MAML2: variants seen among roughly 807,000 people sequenced by gnomAD.
MAML2 encodes the protein mastermind-like protein 2.
In MAML2, 22 loss-of-function variants were observed where a neutral mutation model predicts 96.1. That is an observed-to-expected ratio of 0.23 (90% confidence interval 0.16 to 0.33). The LOEUF is 0.33. MAML2 is among the 10% of genes least tolerant of loss of function. The probability of loss-of-function intolerance (pLI) is 1.00; values close to 1 mark genes in which losing one functional copy is unlikely to be tolerated. For synonymous variants in MAML2, 561 were observed against 521.3 expected (o/e 1.08, Z -1.04); for missense variants, 1,367 against 1,392.4 (o/e 0.98, Z 0.29).
intron 1 of MAML2, among the ~76,000 whole-genome samples, chr11:96,205,369 A>G (rs1861881316): frequency 6.6e-6 from 1 of 152,242 alleles, no homozygotes; most frequent in South Asian, 2.1e-4. Context: ...ATACTTGTTT[A>G]ATCATCCAAC....
At chr11:96,082,546 C>T (rs1035991405) in intron 2 of MAML2, among the ~76,000 whole-genome samples, 3 of 152,066 alleles carry the variant, frequency 2.0e-5, no homozygotes, top group Non-Finnish European at 2.9e-5. Context: ...GGGCAAAAGG[C>T]ATTCATAGGG....
chr11:96,060,800 T>C (rs192809562), intron 2 of MAML2, among the ~76,000 whole-genome samples: 5 of 152,366 alleles, frequency 3.3e-5, no homozygotes, highest in East Asian at 1.9e-4. Context: ...GATGGTAGTC[T>C]TGTGGCTGAG....
intron 2 of MAML2, among the ~76,000 whole-genome samples, chr11:96,025,874 A>C (rs1858509820): frequency 1.3e-5 from 2 of 152,146 alleles, no homozygotes. Flanking sequence ...AGTATAAATT[A>C]TTTTTTAAAA....
At chr11:95,996,252 TAGAC>T (rs1389905629) in intron 2 of MAML2, among the ~76,000 whole-genome samples, 1 of 152,152 alleles carries the variant, frequency 6.6e-6, no homozygotes, top group Non-Finnish European at 1.5e-5. Context: ...AGAAAAGAGG[TAGAC>T]AGAGTGCTCA....
rs549479112 is a variant in MAML2 at position 96,205,266 on chromosome 11, A to G, written c.514-111749T>C. On this transcript the variant is annotated intron_variant, in intron 1 of 4. Transcript: ENST00000524717. ...ACTTGAATGCAGCAAACTTACCAAT[A>G]TATTCATTTACTCATTTCTACAAGA... 1.1e-4 allele frequency among the ~76,000 whole-genome samples: 16 copies of G among 152,352 alleles called. No individual in the cohort carries two copies. The South Asian group carries it at 2.1e-3, about 20-fold the overall frequency.
At chr11:96,058,149 C>T (rs539929222) in intron 2 of MAML2, among the ~76,000 whole-genome samples, 1 of 152,310 alleles carries the variant, frequency 6.6e-6, no homozygotes, top group African/African-American at 2.4e-5. Flanking sequence ...TTTCTTCTGA[C>T]TACTTCCAAA....
At chr11:96,330,622 A>T (rs770534630) in intron 1 of MAML2, among the ~76,000 whole-genome samples, 1 of 152,222 alleles carries the variant, frequency 6.6e-6, no homozygotes, top group Non-Finnish European at 1.5e-5. Flanking sequence ...ACCTGGGCTC[A>T]CTTGTGTGGC....
intron 1 of MAML2, among the ~76,000 whole-genome samples, chr11:96,295,595 A>G (rs1863283702): frequency 1.3e-5 from 2 of 152,164 alleles, no homozygotes; most frequent in African/African-American, 4.8e-5. Flanking sequence ...AGTAATTTAA[A>G]TATGTAGCCA....
intron 1 of MAML2, among the ~76,000 whole-genome samples, chr11:96,242,316 T>A (rs1862447859): frequency 6.6e-6 from 1 of 152,224 alleles, no homozygotes; most frequent in South Asian, 2.1e-4. Flanking sequence ...GGAAAAAACT[T>A]CATAAAAATC....
rs551756025 is a variant in MAML2 at position 96,333,206 on chromosome 11, G to A, written c.513+8177C>T. On this transcript the variant is annotated intron_variant, in intron 1 of 4. Transcript: ENST00000524717. ...AAAGCAAAAATGTTAATGATTCCAT[G>A]TTAATGTATGAATCTGCCAGAATGA... is the stretch of plus-strand genomic sequence containing the variant. Among the ~76,000 whole-genome samples, 29 of 152,278 alleles carry A rather than the reference G, an allele frequency of 1.9e-4. 1 individual carries two copies. The South Asian group carries it at 6.0e-3, about 32-fold the overall frequency.
In MAML2 at chr11:96,092,501, C is replaced by T. The variant is rs768745131; in HGVS notation, c.1530G>A (p.Met510Ile). The change falls in exon 2 of 5, where the codon ATG (methionine) becomes ATA (isoleucine). Residue 510 changes from methionine (M) to isoleucine (I), a missense_variant. Transcript: ENST00000524717. This position sits in a 1 kb window ranked among gnomAD's most constrained non-coding sequence, Gnocchi z 4.1. ...VAGGSGQSKV[M>I]ANYMYKAGPS... The stretch of plus-strand genomic sequence containing the variant: ...GGCCGGCCTTGTACATGTAGTTAGC[C>T]ATTACTTTCGACTGGCCGCTGCCGC... 1 of 1,600,006 alleles carries T rather than the reference C, an allele frequency of 6.2e-7. No individual in the cohort carries two copies. The highest frequency in any genetic ancestry group is 2.2e-5 in the East Asian group (1 of 44,660).
chr11:96,213,768 A>ACAGATG (rs954390036), intron 1 of MAML2, among the ~76,000 whole-genome samples: 2 of 152,244 alleles, frequency 1.3e-5, no homozygotes, highest in African/African-American at 4.8e-5. Flanking sequence ...AGAGCTCTTT[A>ACAGATG]CAGATGCATT....
chr11:96,137,698 C>T (rs1860658126), intron 1 of MAML2, among the ~76,000 whole-genome samples: 1 of 152,066 alleles, frequency 6.6e-6, no homozygotes, highest in Non-Finnish European at 1.5e-5. Context: ...AGACGGTGGG[C>T]AGGGGAGACA....
intron 1 of MAML2, among the ~76,000 whole-genome samples, chr11:96,210,488 T>C (rs1180173276): frequency 6.6e-6 from 1 of 152,224 alleles, no homozygotes. Flanking sequence ...CTAATTAGTA[T>C]AGAATTGAGA....
At chr11:96,097,277 A>G (rs1460778310) in intron 1 of MAML2, among the ~76,000 whole-genome samples, 1 of 152,230 alleles carries the variant, frequency 6.6e-6, no homozygotes, top group Admixed American at 6.5e-5. Context: ...ACTTACCAGA[A>G]CAAGAATAAA....
intron 1 of MAML2, among the ~76,000 whole-genome samples, chr11:96,187,313 G>T (rs1170552249): frequency 6.6e-6 from 1 of 152,180 alleles, no homozygotes; most frequent in African/African-American, 2.4e-5. Flanking sequence ...TCATTACCTA[G>T]ATGCCAAAAG....
intron 1 of MAML2, among the ~76,000 whole-genome samples, chr11:96,254,033 T>G (rs1443367395): frequency 6.6e-6 from 1 of 152,226 alleles, no homozygotes; most frequent in Non-Finnish European, 1.5e-5. Context: ...CACTTACACT[T>G]TCTTTAAAGG....
At chr11:96,200,641 C>G (rs1177520483) in intron 1 of MAML2, among the ~76,000 whole-genome samples, 1 of 152,226 alleles carries the variant, frequency 6.6e-6, no homozygotes, top group Non-Finnish European at 1.5e-5. Context: ...ATGCCTCAAT[C>G]CACCATGTCT....
chr11:96,090,920 T>C (rs1859693359), intron 2 of MAML2, among the ~76,000 whole-genome samples: 3 of 152,232 alleles, frequency 2.0e-5, no homozygotes, highest in South Asian at 2.1e-4. Flanking sequence ...TTTTGACATA[T>C]AATGTGCTAT....
Sources: allele counts gnomAD v4.1 joint callset (sites outside exome capture counted in the v4.1 genomes callset), GRCh38; gene constraint gnomAD v4.1.1; non-coding constraint Gnocchi (gnomAD v3.1); transcripts MANE v1.5; gene names NCBI Gene and HGNC (gene_info 2026-07-23, HGNC 2026-07-21).